The following ARHGEF6 variants were observed in gnomAD, a reference collection of about 807,000 sequenced individuals.
ARHGEF6 encodes the protein Rac/Cdc42 guanine nucleotide exchange factor 6.
A neutral mutation model predicts 70.3 loss-of-function variants in ARHGEF6; 9 were observed. The ratio of observed to expected loss-of-function variants is 0.13; its 90% CI spans 0.08 to 0.22. ARHGEF6 has a LOEUF of 0.22. Ranked by LOEUF, ARHGEF6 falls within the 10% of genes least tolerant of loss-of-function variation. ARHGEF6 has a pLI of 1.00. For synonymous variants in ARHGEF6, 201 were observed against 207.8 expected, an observed-to-expected ratio of 0.97 and a Z score of 0.28; for missense variants, 470 against 563.0, an observed-to-expected ratio of 0.83 and a Z score of 1.67.
rs1303999821 is a variant in ARHGEF6, at chrX:136,686,594, G to GTGTATATA, written c.1246-772_1246-771insTATATACA. On this transcript the variant is annotated intron_variant, in intron 11 of 21. Coordinates refer to ENST00000250617, the MANE Select transcript of ARHGEF6 (RefSeq NM_004840.3). The stretch of plus-strand genomic sequence containing the variant: ...TATATATATGTGTGTGTATGTGTGT[G>GTGTATATA]TATATATATATATATATATATATAT... Among the ~76,000 whole-genome samples the GTGTATATA allele has an allele frequency of 5.8e-4, 33 of 57,118 alleles. 1 individual carries two copies. The highest frequency in any genetic ancestry group is 5.6e-3 in the East Asian group (11 of 1,960). 49.6% of individuals were successfully genotyped at this position (57,118 alleles called of 115,157 possible). A position where few individuals can be genotyped will look rare whatever the true frequency, so the allele number is the denominator to read the frequency against.
chrX:136,708,082 T>C (rs2076645196), intron 8 of ARHGEF6, among the ~76,000 whole-genome samples: 1 of 111,935 alleles, frequency 8.9e-6, no homozygotes, highest in East Asian at 2.8e-4. Flanking sequence ...AATGAATCAT[T>C]TGAATGACTT....
rs977323977 is a variant in ARHGEF6, at chrX:136,688,099, T to C, written c.1186-108A>G. ...GGCCACAAAGATAGCAAGAGAATTTTGGGGGATGATGGAACTGTTCTGTAT... is the reference window on the plus strand; with the variant it reads ...GGCCACAAAGATAGCAAGAGAATTTCGGGGGATGATGGAACTGTTCTGTAT... On this transcript the variant is annotated intron_variant, in intron 10 of 21. Transcript: ENST00000250617. 1.4e-5 allele frequency: 8 copies of C among 577,627 alleles called. No homozygotes were observed. The African/African-American group carries it at 1.8e-4, about 13-fold the overall frequency. The allele number at this position is 577,627 out of a possible 1,213,427, so 47.6% of individuals were successfully genotyped here.
chrX:136,779,336 CA>C, intron 2 of ARHGEF6, 77 bp downstream of exon 2: 1 of 938,380 alleles, frequency 1.1e-6, no homozygotes, highest in Non-Finnish European at 1.5e-6. Flanking sequence ...TGAAAATAAA[CA>C]AGTACTCTTA....
At chrX:136,681,853 T>A in intron 14 of ARHGEF6, 37 bp downstream of exon 14, 1 of 1,075,298 alleles carries the variant, frequency 9.3e-7, no homozygotes, top group Non-Finnish European at 1.3e-6. Context: ...CCAAAAAGAA[T>A]TGGAAGTAGT....
At position 136,745,208 on chromosome X, in the gene ARHGEF6, G is replaced by T; in HGVS notation, c.459+15C>A. On this transcript the variant is annotated intron_variant, in intron 4 of 21. Transcript: ENST00000250617. ...TGGATTTTAAAACAGACGGAGAATT[G>T]GGGACTATACTTACCACTGTCTTTG... 8.3e-7 allele frequency: 1 copy of T among 1,210,946 alleles called. No individual in the cohort carries two copies. Among genetic ancestry groups the T allele is most frequent in the South Asian group, 1.8e-5 (1 of 56,967 alleles).
At chrX:136,710,014 A>G (rs1925563706) in intron 7 of ARHGEF6, among the ~76,000 whole-genome samples, 1 of 108,976 alleles carries the variant, frequency 9.2e-6, no homozygotes, top group Admixed American at 9.8e-5. Context: ...TTAAGTGTAT[A>G]GTAACACTAG....
Position 136,669,539 on chromosome X carries a change from A to G in ARHGEF6, c.2136-3T>C. On this transcript the variant is annotated splice_polypyrimidine_tract_variant and splice_region_variant and intron_variant, in intron 20 of 21. Coordinates refer to ENST00000250617, the MANE Select transcript of ARHGEF6 (RefSeq NM_004840.3). ...CGTAAACAGTATCAACAAGGCTCCT[A>G]GAAAATAAAGATAAAATTCAGAGAC... The G allele has an allele frequency of 3.3e-6, 4 of 1,202,755 alleles. No homozygotes were observed. The South Asian group carries it at 5.3e-5, about 16-fold the overall frequency.
intron 2 of ARHGEF6, among the ~76,000 whole-genome samples, chrX:136,776,366 GA>G (rs1378239219): frequency 2.7e-5 from 3 of 111,932 alleles, no homozygotes; most frequent in Non-Finnish European, 3.8e-5. Flanking sequence ...ACACAGAATA[GA>G]GAACCCAGAA....
Position 136,681,931 on chromosome X carries a change from A to C in ARHGEF6, c.1517T>G (p.Leu506Ter), listed in dbSNP as rs765263067. 8.3e-7 allele frequency: 1 copy of C among 1,209,278 alleles called. No homozygotes were observed. The highest frequency in any genetic ancestry group is 1.1e-6 in the Non-Finnish European group (1 of 893,376). Residue 506 changes from leucine to a stop codon, truncating the protein, a stop_gained, in exon 14 of 22, where the codon TTA becomes TGA. Coordinates refer to ENST00000250617, the MANE Select transcript of ARHGEF6 (RefSeq NM_004840.3). LOFTEE classifies it high-confidence loss of function. ...GCAGTCATTCCCTTCAATTTCATCT[A>C]ATCTAGTCACCACCGTTCCTGCTAT... ...IPIAGTVVTR[L>*]DEIEGNDCTF...
Position 136,687,996 on chromosome X carries a change from C to G in ARHGEF6, c.1186-5G>C. 1 of 1,189,013 alleles carries G rather than the reference C, an allele frequency of 8.4e-7. No homozygotes were observed. The highest frequency in any genetic ancestry group is 1.8e-5 in the South Asian group (1 of 56,455). On this transcript the variant is annotated splice_region_variant and splice_polypyrimidine_tract_variant and intron_variant, in intron 10 of 21. Coordinates refer to ENST00000250617, the MANE Select transcript of ARHGEF6 (RefSeq NM_004840.3). ...CTGATGATCTGGATGAGTATCCTAT[C>G]AAAGGAATACATTTGAAAACAATGT...
intron 5 of ARHGEF6, among the ~76,000 whole-genome samples, chrX:136,734,793 A>G (rs1349499382): frequency 1.8e-5 from 2 of 112,192 alleles, no homozygotes; most frequent in African/African-American, 6.5e-5. Flanking sequence ...AAAGAATTGT[A>G]TACTATGGGA....
At chrX:136,692,657 T>C (rs951564611) in intron 9 of ARHGEF6, among the ~76,000 whole-genome samples, 4 of 112,248 alleles carry the variant, frequency 3.6e-5, no homozygotes, top group Admixed American at 9.4e-5. Flanking sequence ...CATTTCAACA[T>C]AGGTGTTCTC....
chrX:136,686,621 T>TATATATAC (rs1440869053), intron 11 of ARHGEF6, among the ~76,000 whole-genome samples: 17 of 68,535 alleles, frequency 2.5e-4, no homozygotes, highest in African/African-American at 1.0e-3. Flanking sequence ...TATATATATA[T>TATATATAC]ACACATATAT....
Position 136,667,607 on chromosome X carries a change from A to G in ARHGEF6, c.*422T>C, listed in dbSNP as rs1309092079. On this transcript the variant is annotated 3_prime_UTR_variant, in exon 22 of 22. Transcript: ENST00000250617. ...GGTTCACATTTAATAAGCCTTGGCC[A>G]GCTGCTTTGCAAGGGCAGCCAGCCC... The G allele has an allele frequency of 1.1e-5, 2 of 177,550 alleles. No homozygotes were observed. Among genetic ancestry groups the G allele is most frequent in the Non-Finnish European group, 2.1e-5 (2 of 95,325 alleles). The allele number at this position is 177,550 out of a possible 1,213,427, so 14.6% of individuals were successfully genotyped here. A position where few individuals can be genotyped will look rare whatever the true frequency, so the allele number is the denominator to read the frequency against.
At chrX:136,760,584 G>T (rs1316892940) in intron 2 of ARHGEF6, among the ~76,000 whole-genome samples, 1 of 112,418 alleles carries the variant, frequency 8.9e-6, no homozygotes, top group Non-Finnish European at 1.9e-5. Context: ...CTAACAAAAT[G>T]CCTTCCTTTT....
At chrX:136,760,236 C>A (rs1462887865) in intron 2 of ARHGEF6, among the ~76,000 whole-genome samples, 1 of 112,624 alleles carries the variant, frequency 8.9e-6, no homozygotes, top group Non-Finnish European at 1.9e-5. Context: ...ATTTGCAATT[C>A]AAAGGACCAA....
chrX:136,743,905 A>C, intron 4 of ARHGEF6, 119 bp from the exon 5 acceptor site: 1 of 652,470 alleles, frequency 1.5e-6, no homozygotes, highest in Non-Finnish European at 2.4e-6. Context: ...GATCCATCTC[A>C]GTCCTGAGTT....
At chrX:136,676,913 T>G in intron 17 of ARHGEF6, 196 bp from the exon 18 acceptor site, 1 of 417,196 alleles carries the variant, frequency 2.4e-6, no homozygotes, top group South Asian at 3.3e-5. Context: ...GGCAATGACA[T>G]TATCCTCTCA....
intron 2 of ARHGEF6, among the ~76,000 whole-genome samples, chrX:136,765,548 G>A (rs143635994): frequency 7.4e-4 from 83 of 112,293 alleles, no homozygotes; most frequent in East Asian, 3.9e-3. Context: ...TAAGAACAGC[G>A]CCAGCCCTGC....
Sources: gnomAD v4.1 joint callset for allele counts (sites outside exome capture counted in the v4.1 genomes callset) on GRCh38, gnomAD v4.1.1 for gene constraint, MANE v1.5 for transcripts, NCBI Gene and HGNC (gene_info 2026-07-23, HGNC 2026-07-21) for gene names.